The following RNF150 variants were observed in gnomAD, a reference collection of about 807,000 sequenced individuals.
RNF150 encodes ring finger protein 150.
RNF150 carries 24 observed loss-of-function variants against 39.3 expected under a neutral mutation model. That is an observed-to-expected ratio of 0.61 (90% CI 0.44 to 0.86). The LOEUF (loss-of-function observed/expected upper bound fraction) is 0.86. Ranked by LOEUF, RNF150 falls within the 40% of genes least tolerant of loss-of-function variation. The probability of loss-of-function intolerance (pLI) is 0.00; values close to 1 mark genes in which losing one functional copy is unlikely to be tolerated. For missense variants in RNF150, 502 were observed against 587.8 expected, an observed-to-expected ratio of 0.85 and a Z score of 1.51; for synonymous variants, 255 against 227.3, an observed-to-expected ratio of 1.12 and a Z score of -1.10.
intron 1 of RNF150, among the ~76,000 whole-genome samples, chr4:141,035,157 A>T (rs1736093363): frequency 6.6e-6 from 1 of 152,242 alleles, no homozygotes; most frequent in Admixed American, 6.5e-5. Flanking sequence ...CTTCAAAGGC[A>T]TTAGGCATTC....
intron 5 of RNF150, among the ~76,000 whole-genome samples, chr4:140,915,251 G>C (rs1265197686): frequency 6.6e-6 from 1 of 152,148 alleles, no homozygotes; most frequent in South Asian, 2.1e-4. Flanking sequence ...GGAATACATG[G>C]AACATAGGAA....
intron 6 of RNF150, among the ~76,000 whole-genome samples, chr4:140,892,679 C>T (rs1259645591): frequency 7.4e-6 from 1 of 135,746 alleles, no homozygotes; most frequent in Non-Finnish European, 1.5e-5. Flanking sequence ...CAGGCTCCTT[C>T]CCCCTGGGGA....
chr4:140,923,598 T>C (rs1731253631), intron 5 of RNF150, among the ~76,000 whole-genome samples: 1 of 152,192 alleles, frequency 6.6e-6, no homozygotes, highest in South Asian at 2.1e-4. Context: ...AAATACCATT[T>C]GACCCAGCCA....
At chr4:141,121,788 G>T (rs546775372) in intron 1 of RNF150, among the ~76,000 whole-genome samples, 19 of 152,132 alleles carry the variant, frequency 1.2e-4, no homozygotes, top group Admixed American at 1.0e-3. Context: ...TTTTATTCAC[G>T]TAGGATTTTG....
chr4:141,090,850 G>T, intron 1 of RNF150, among the ~76,000 whole-genome samples: 1 of 152,040 alleles, frequency 6.6e-6, no homozygotes, highest in Non-Finnish European at 1.5e-5. Context: ...GGATTTCTAT[G>T]TAACATCTCC....
intron 1 of RNF150, among the ~76,000 whole-genome samples, chr4:141,140,089 C>G (rs924461800): frequency 5.9e-5 from 9 of 152,150 alleles, no homozygotes; most frequent in African/African-American, 2.2e-4. Flanking sequence ...GGTATATGAA[C>G]TTTAAGAGCC....
At chr4:140,906,461 T>C (rs1730378439) in intron 6 of RNF150, among the ~76,000 whole-genome samples, 2 of 152,176 alleles carry the variant, frequency 1.3e-5, no homozygotes, top group Admixed American at 1.3e-4. Flanking sequence ...ATAAGAAACT[T>C]GAACATTCTC....
intron 1 of RNF150, among the ~76,000 whole-genome samples, chr4:141,156,307 G>T (rs1347022879): frequency 2.0e-5 from 3 of 152,062 alleles, no homozygotes; most frequent in Non-Finnish European, 4.4e-5. Context: ...CTGAGACAGG[G>T]TCTTACTCTG....
At chr4:141,157,058 G>A (rs770800208) in intron 1 of RNF150, among the ~76,000 whole-genome samples, 11 of 152,174 alleles carry the variant, frequency 7.2e-5, no homozygotes, top group Non-Finnish European at 1.2e-4. Context: ...TGTCCACTAA[G>A]TAGACATTTC....
At chr4:140,869,919 T>TTCTCTTAC (rs1334229228) in intron 6 of RNF150, among the ~76,000 whole-genome samples, 5 of 152,172 alleles carry the variant, frequency 3.3e-5, no homozygotes, top group Admixed American at 6.5e-5. Context: ...GTCTTGTACT[T>TTCTCTTAC]TCTCTTACTT....
chr4:141,139,173 C>T (rs1340824950), intron 1 of RNF150, among the ~76,000 whole-genome samples: 1 of 152,120 alleles, frequency 6.6e-6, no homozygotes. Flanking sequence ...CATGACCAAT[C>T]ACGCCACTGT....
intron 6 of RNF150, among the ~76,000 whole-genome samples, chr4:140,871,150 A>G (rs28484958): frequency 0.027 from 4,087 of 152,160 alleles, 124 homozygotes; most frequent in African/African-American, 0.078. Context: ...CTTTAGGGCT[A>G]AAGTTTAATT....
intron 1 of RNF150, among the ~76,000 whole-genome samples, chr4:141,150,899 G>A (rs189157904): frequency 2.0e-5 from 3 of 152,166 alleles, no homozygotes; most frequent in East Asian, 1.9e-4. Flanking sequence ...ATAATTTTTT[G>A]TATCATTTGA....
chr4:140,898,979 C>T (rs943722348), intron 6 of RNF150, among the ~76,000 whole-genome samples: 4 of 152,154 alleles, frequency 2.6e-5, no homozygotes, highest in Admixed American at 2.6e-4. Context: ...GTCTATAAAT[C>T]TACTAATTGT....
At chr4:141,169,231 G>T (rs1444802456) in intron 1 of RNF150, among the ~76,000 whole-genome samples, 3 of 152,038 alleles carry the variant, frequency 2.0e-5, no homozygotes, top group East Asian at 1.9e-4. Flanking sequence ...GTGTAGCACC[G>T]CCCCCTTTTT....
At chr4:140,966,498 A>G (rs1733250125) in intron 2 of RNF150, among the ~76,000 whole-genome samples, 1 of 152,142 alleles carries the variant, frequency 6.6e-6, no homozygotes, top group Admixed American at 6.6e-5. Context: ...TAAAGAGTTT[A>G]TACACATTAA....
intron 1 of RNF150, among the ~76,000 whole-genome samples, chr4:141,067,235 T>C (rs993353896): frequency 6.6e-6 from 1 of 152,208 alleles, no homozygotes; most frequent in Non-Finnish European, 1.5e-5. Flanking sequence ...AACATGTATA[T>C]AGAGTAATTG....
At chr4:141,143,615 C>T (rs112660162) in intron 1 of RNF150, among the ~76,000 whole-genome samples, 31 of 152,334 alleles carry the variant, frequency 2.0e-4, no homozygotes, top group African/African-American at 6.3e-4. Flanking sequence ...CTTCTTAAAA[C>T]GTAAATCCCC....
At chr4:140,875,533 G>C (rs907755471) in intron 6 of RNF150, among the ~76,000 whole-genome samples, 1 of 152,022 alleles carries the variant, frequency 6.6e-6, no homozygotes, top group Non-Finnish European at 1.5e-5. Flanking sequence ...TGCAGGGTGG[G>C]GCTGGGGGAT....
Sources: gnomAD v4.1 joint callset for allele counts (sites outside exome capture counted in the v4.1 genomes callset) on GRCh38, gnomAD v4.1.1 for gene constraint, MANE v1.5 for transcripts, NCBI Gene and HGNC (gene_info 2026-07-23, HGNC 2026-07-21) for gene names.